Variants in PIK3AP1 observed in about 807,000 individuals in gnomAD.
PIK3AP1 encodes phosphoinositide-3-kinase adaptor protein 1, also known as phosphoinositide 3-kinase adapter protein 1.
Under a neutral mutation model 88.1 loss-of-function variants are expected in PIK3AP1, and 21 were observed. That is an observed-to-expected ratio of 0.24 (90% CI 0.17 to 0.34). The LOEUF is 0.34. Ranked by LOEUF, PIK3AP1 falls within the 10% of genes least tolerant of loss-of-function variation. The pLI, the probability that PIK3AP1 is intolerant of heterozygous loss-of-function variation, is 1.00. For synonymous variants in PIK3AP1, 398 were observed against 400.0 expected, an observed-to-expected ratio of 1.00 and a Z score of 0.06; for missense variants, 828 against 1,035.7, an observed-to-expected ratio of 0.80 and a Z score of 2.75.
chr10:96,606,311 A>G (rs1849002082), intron 14 of PIK3AP1, among the ~76,000 whole-genome samples: 2 of 152,086 alleles, frequency 1.3e-5, no homozygotes, highest in Admixed American at 1.3e-4. Context: ...ACGGGCCCCC[A>G]TCCCTCTGTG....
intron 6 of PIK3AP1, 115 bp downstream of exon 6, chr10:96,651,133 A>T (rs1843531112): frequency 2.2e-6 from 3 of 1,375,070 alleles, no homozygotes; most frequent in Non-Finnish European, 1.0e-6. Context: ...TAGGTTATAG[A>T]GAAGGGACCC....
In PIK3AP1 at chr10:96,709,631, C is replaced by T; in HGVS notation, c.366G>A (p.Gln122=). 6.2e-7 allele frequency: 1 copy of T among 1,614,246 alleles called. No homozygotes were observed. The highest frequency in any genetic ancestry group is 2.2e-5 in the East Asian group (1 of 44,894). The part of the protein sequence containing the change: ...LDFFPDWAHW[Q]ELTCDDEPET... The stretch of plus-strand genomic sequence containing the variant: ...CTGGCTCATCGTCACAGGTGAGCTC[C>T]TGCCAATGGGCCCAATCTGGAAAGA... Residue 122 remains glutamine (Q), a synonymous_variant, in exon 2 of 17, where the codon CAG becomes CAA. Coordinates refer to ENST00000339364, the MANE Select transcript of PIK3AP1 (RefSeq NM_152309.3).
chr10:96,703,952 T>G (rs1844330753), intron 2 of PIK3AP1, among the ~76,000 whole-genome samples: 1 of 152,248 alleles, frequency 6.6e-6, no homozygotes. Flanking sequence ...ATCTGCTTAA[T>G]TTTAAGGTGG....
rs774301849 is a variant in PIK3AP1 at position 96,651,315 on chromosome 10, G to A, written c.921C>T (p.Asn307=). 2 of 1,614,152 alleles carry A rather than the reference G, an allele frequency of 1.2e-6. No individual in the cohort carries two copies. The highest frequency in any genetic ancestry group is 1.7e-6 in the Non-Finnish European group (2 of 1,180,014). Residue 307 remains asparagine (N), a synonymous_variant, in exon 6 of 17, where the codon AAC becomes AAT. Transcript: ENST00000339364. The part of the protein sequence containing the change: ...LDKLLTESLK[N]NIPASGLHLF... ...GGTGCAGTCCGCTTGCAGGGATATT[G>A]TTCTTCAGGGATTCGGTTAGCAGTT... is the stretch of plus-strand genomic sequence containing the variant.
At chr10:96,653,329 C>T (rs1843568002) in intron 3 of PIK3AP1, among the ~76,000 whole-genome samples, 1 of 147,500 alleles carries the variant, frequency 6.8e-6, no homozygotes, top group South Asian at 2.1e-4. Flanking sequence ...CACTTGAACC[C>T]AGGAGGCAGA....
At chr10:96,702,720 T>C (rs903368860) in intron 2 of PIK3AP1, among the ~76,000 whole-genome samples, 3 of 152,042 alleles carry the variant, frequency 2.0e-5, no homozygotes, top group African/African-American at 7.3e-5. Flanking sequence ...AGTATATGTA[T>C]AAAAAAATCA....
intron 1 of PIK3AP1, among the ~76,000 whole-genome samples, chr10:96,716,529 G>T (rs1844504721): frequency 6.6e-6 from 1 of 152,192 alleles, no homozygotes; most frequent in African/African-American, 2.4e-5. Context: ...ATATTGCTGT[G>T]CTGGGAAACT....
intron 2 of PIK3AP1, among the ~76,000 whole-genome samples, chr10:96,673,724 T>A (rs748318052): frequency 1.6e-4 from 25 of 152,162 alleles, no homozygotes; most frequent in South Asian, 4.1e-4. Flanking sequence ...CAAATGGGCT[T>A]TGTCTGGGGC....
intron 2 of PIK3AP1, chr10:96,700,832 C>T (rs1032330251): frequency 3.0e-6 from 3 of 985,610 alleles, no homozygotes; most frequent in Middle Eastern, 5.2e-4. Context: ...CCGAGCAGAG[C>T]GCAGCAACTT....
intron 2 of PIK3AP1, among the ~76,000 whole-genome samples, chr10:96,694,465 A>G (rs1426589661): frequency 6.6e-6 from 1 of 151,484 alleles, no homozygotes; most frequent in East Asian, 1.9e-4. Context: ...GATGATCCCA[A>G]AGTTTCCTTT....
At chr10:96,648,907 G>C in intron 6 of PIK3AP1, 52 bp from the exon 7 acceptor site, 3 of 1,449,198 alleles carry the variant, frequency 2.1e-6, no homozygotes, top group Non-Finnish European at 2.8e-6. Context: ...AAGGCACAGG[G>C]TGCCCTTGTT....
chr10:96,709,903 G>A lies in PIK3AP1; in HGVS notation c.94C>T (p.Leu32=). 10 of 1,613,356 alleles carry A rather than the reference G, an allele frequency of 6.2e-6. No individual in the cohort carries two copies. Among genetic ancestry groups the A allele is most frequent in the Non-Finnish European group, 7.6e-6 (9 of 1,179,786 alleles). The change falls in exon 2 of 17, where the codon CTG becomes TTG. Residue 32 remains leucine (L), a synonymous_variant. Coordinates refer to ENST00000339364, the MANE Select transcript of PIK3AP1 (RefSeq NM_152309.3). ...EWCQYLQTLF[L]SSRQVRSQKI... is the part of the protein sequence containing the mutation. ...TGGCTGCGGACCTGCCGACTGGACA[G>A]GAACAGGGTCTGCAGGTACTGGCAC...
At position 96,651,662 on chromosome 10, in the gene PIK3AP1, G is replaced by C. The variant is rs1314695262; in HGVS notation, c.713-11C>G. The stretch of plus-strand genomic sequence containing the variant: ...TCCCAGATGAAAGGTCTGAACAGAA[G>C]AAAAGACACTATCAAAATTCCCAGG... On this transcript the variant is annotated splice_polypyrimidine_tract_variant and intron_variant, in intron 4 of 16. Transcript: ENST00000339364. The C allele has an allele frequency of 6.2e-7, 1 of 1,611,634 alleles. No individual in the cohort carries two copies. Among genetic ancestry groups the C allele is most frequent in the Non-Finnish European group, 8.5e-7 (1 of 1,179,314 alleles).
chr10:96,707,855 C>A (rs146435910), intron 2 of PIK3AP1, among the ~76,000 whole-genome samples: 10 of 152,112 alleles, frequency 6.6e-5, no homozygotes, highest in African/African-American at 2.2e-4. Flanking sequence ...GTCTTTCTAA[C>A]GTAAAGATAA....
At chr10:96,704,188 T>G (rs777401846) in intron 2 of PIK3AP1, among the ~76,000 whole-genome samples, 10 of 152,208 alleles carry the variant, frequency 6.6e-5, no homozygotes, top group Non-Finnish European at 1.5e-4. Flanking sequence ...CCCTGAAGTC[T>G]GATGGCCTAA....
chr10:96,694,169 T>C (rs114280379), intron 2 of PIK3AP1, among the ~76,000 whole-genome samples: 2,757 of 152,272 alleles, frequency 0.018, 82 homozygotes, highest in African/African-American at 0.063. Context: ...TACCTCTGGA[T>C]ACTCCTGGCA....
At chr10:96,643,787 C>T (rs191752888) in intron 8 of PIK3AP1, among the ~76,000 whole-genome samples, 1 of 152,306 alleles carries the variant, frequency 6.6e-6, no homozygotes, top group African/African-American at 2.4e-5. Flanking sequence ...GAAAGTCAGG[C>T]CCGCCTCCCT....
intron 2 of PIK3AP1, among the ~76,000 whole-genome samples, chr10:96,702,038 A>T (rs530915198): frequency 6.6e-6 from 1 of 152,354 alleles, no homozygotes; most frequent in South Asian, 2.1e-4. Flanking sequence ...ATGCAAAGTG[A>T]AATAACCCAG....
At chr10:96,632,825 C>T in intron 8 of PIK3AP1, 1 of 1,576,022 alleles carries the variant, frequency 6.3e-7, no homozygotes, top group Non-Finnish European at 8.6e-7. Context: ...GCTGTATTGA[C>T]TACACATCCA....
Sources: gnomAD v4.1 joint callset for allele counts (sites outside exome capture counted in the v4.1 genomes callset) on GRCh38, gnomAD v4.1.1 for gene constraint, MANE v1.5 for transcripts, NCBI Gene and HGNC (gene_info 2026-07-23, HGNC 2026-07-21) for gene names.